The following MTREX variants were observed in gnomAD, a reference collection of about 807,000 sequenced individuals.
MTREX encodes the protein Mtr4 exosome RNA helicase, also known as exosome RNA helicase MTR4.
MTREX carries 76 observed loss-of-function variants against 135.4 expected under a neutral mutation model. The observed-to-expected ratio is 0.56, with a 90% CI of 0.47 to 0.68. The LOEUF is 0.68. Among genes scored for constraint, MTREX ranks in the 30% least tolerant of loss-of-function variants. The probability of loss-of-function intolerance (pLI) is 0.00; values close to 1 mark genes in which losing one functional copy is unlikely to be tolerated. For synonymous variants in MTREX, 404 were observed against 401.6 expected (o/e 1.01, Z -0.07); for missense variants, 920 against 1,262.1 (o/e 0.73, Z 4.11).
At chr5:55,397,302 T>C (rs897169440) in intron 19 of MTREX, 114 bp from the exon 20 acceptor site, 2 of 536,040 alleles carry the variant, frequency 3.7e-6, no homozygotes, top group East Asian at 5.8e-5. Flanking sequence ...GTACTTCTTA[T>C]ACCTGTTACA....
intron 1 of MTREX, among the ~76,000 whole-genome samples, chr5:55,321,689 G>C (rs1187569868): frequency 6.8e-6 from 1 of 147,608 alleles, no homozygotes; most frequent in Non-Finnish European, 1.5e-5. Flanking sequence ...GCTTACTGCA[G>C]CATCTGCCTC....
chr5:55,413,080 G>A (rs1384179771), intron 23 of MTREX, among the ~76,000 whole-genome samples: 15 of 151,976 alleles, frequency 9.9e-5, no homozygotes, highest in African/African-American at 3.6e-4. Context: ...AGTGGCTCAT[G>A]CCTGTAATCC....
intron 1 of MTREX, among the ~76,000 whole-genome samples, chr5:55,312,699 A>G (rs1447146092): frequency 2.0e-5 from 3 of 152,060 alleles, no homozygotes; most frequent in African/African-American, 7.2e-5. Flanking sequence ...CATATACCAT[A>G]TTTGTTTATA....
chr5:55,372,112 G>A (rs369145978), intron 16 of MTREX, among the ~76,000 whole-genome samples: 10 of 152,210 alleles, frequency 6.6e-5, no homozygotes, highest in East Asian at 5.8e-4. Context: ...AATTCTGGGC[G>A]GGGCAGCAGG....
chr5:55,425,203 C>T lies in MTREX; in HGVS notation c.*431C>T. 2 of 1,612,084 alleles carry T rather than the reference C, an allele frequency of 1.2e-6. No homozygotes were observed. Among genetic ancestry groups the T allele is most frequent in the Non-Finnish European group, 1.7e-6 (2 of 1,179,470 alleles). On this transcript the variant is annotated 3_prime_UTR_variant, in exon 27 of 27. Coordinates refer to ENST00000230640, the MANE Select transcript of MTREX (RefSeq NM_015360.5). ...CAGCTTCACCTGGGCACCCTGCTGCCTTTCAAGGCTGGTGATTGCTCGGAT... is the reference window on the plus strand; with the variant it reads ...CAGCTTCACCTGGGCACCCTGCTGCTTTTCAAGGCTGGTGATTGCTCGGAT...
At chr5:55,378,193 G>A in intron 16 of MTREX, 121 bp from the exon 17 acceptor site, 1 of 1,137,174 alleles carries the variant, frequency 8.8e-7, no homozygotes, top group South Asian at 1.9e-5. Context: ...ACAGGAAGGT[G>A]GAAGGTAAAC....
At position 55,328,771 on chromosome 5, in the gene MTREX, G is replaced by C; in HGVS notation, c.475G>C (p.Val159Leu). 1 of 1,613,218 alleles carries C rather than the reference G, an allele frequency of 6.2e-7. No individual in the cohort carries two copies. Among genetic ancestry groups the C allele is most frequent in the Non-Finnish European group, 8.5e-7 (1 of 1,179,376 alleles). The change falls in exon 5 of 27, where the codon GTA becomes CTA. Residue 159 changes from valine to leucine, a missense_variant. Physicochemically the swap from Val to Leu is conservative, Grantham distance 32. Coordinates refer to ENST00000230640, the MANE Select transcript of MTREX (RefSeq NM_015360.5). ...TGTTGACAATAATCAGTCTGTTCTA[G>C]TATCTGCACATACCTCAGCGGGAAA... Reference protein sequence around the residue: ...QCVDNNQSVLVSAHTSAGKTV... With the variant: ...QCVDNNQSVLLSAHTSAGKTV...
At chr5:55,392,364 C>T (rs986161312) in intron 19 of MTREX, among the ~76,000 whole-genome samples, 2 of 151,752 alleles carry the variant, frequency 1.3e-5, no homozygotes, top group Admixed American at 1.3e-4. Flanking sequence ...GCCAACGTGG[C>T]CAAAACCCAT....
intron 11 of MTREX, among the ~76,000 whole-genome samples, chr5:55,347,432 C>T (rs747875726): frequency 9.9e-5 from 15 of 152,160 alleles, no homozygotes; most frequent in Non-Finnish European, 2.1e-4. Context: ...GTAAACTCCT[C>T]AGTTATTGTG....
chr5:55,345,492 A>T (rs1277771767), intron 10 of MTREX, among the ~76,000 whole-genome samples: 1 of 152,050 alleles, frequency 6.6e-6, no homozygotes, highest in Non-Finnish European at 1.5e-5. Context: ...AACCCTGTAC[A>T]CATTAACAGT....
chr5:55,345,522 A>G (rs781454531), intron 10 of MTREX, among the ~76,000 whole-genome samples: 4 of 151,422 alleles, frequency 2.6e-5, no homozygotes, highest in African/African-American at 7.3e-5. Flanking sequence ...TTTTCCCCCA[A>G]CCTTTCCCTT....
rs1158349373 is a variant in MTREX, at chr5:55,422,913, T to C, written c.3007T>C (p.Leu1003=). ...TCGTTGTATGAGGCGCCTGGAAGAA[T>C]TGCTTCGACAAATGTGTCAAGCAGC... ...IIRCMRRLEE[L]LRQMCQAAKA... is the part of the protein sequence containing the mutation. Residue 1003 remains leucine (L), a synonymous_variant, in exon 26 of 27, where the codon TTG becomes CTG. Transcript: ENST00000230640. The C allele has an allele frequency of 1.9e-6, 3 of 1,614,086 alleles. No individual in the cohort carries two copies. The highest frequency in any genetic ancestry group is 1.1e-5 in the South Asian group (1 of 91,042).
chr5:55,414,680 G>A (rs983671608), intron 24 of MTREX, among the ~76,000 whole-genome samples: 6 of 152,070 alleles, frequency 3.9e-5, no homozygotes, highest in East Asian at 1.9e-4. Flanking sequence ...ACAGAGTCTC[G>A]CTCTCTTACC....
In MTREX at chr5:55,379,166, G is replaced by A; in HGVS notation, c.2023G>A (p.Val675Met). ...EGDDFGWGVV[V>M]NFSKKSNVKP... ...AGATGACTTTGGCTGGGGAGTAGTG[G>A]TGAATTTCTCAAAAAAGTCAAATGT... Residue 675 changes from valine to methionine, a missense_variant, in exon 18 of 27, where the codon GTG becomes ATG. By Grantham distance (21) the Val-to-Met change is conservative (BLOSUM62 1). Transcript: ENST00000230640. The A allele has an allele frequency of 6.2e-7, 1 of 1,608,544 alleles. No individual in the cohort carries two copies. The highest frequency in any genetic ancestry group is 8.5e-7 in the Non-Finnish European group (1 of 1,176,576).
intron 6 of MTREX, among the ~76,000 whole-genome samples, chr5:55,341,239 G>A (rs745515666): frequency 2.6e-5 from 4 of 152,132 alleles, no homozygotes; most frequent in African/African-American, 4.8e-5. Context: ...GCAAGAAAAC[G>A]AGGCAGAAAA....
At chr5:55,314,394 A>C (rs1014362586) in intron 1 of MTREX, among the ~76,000 whole-genome samples, 5 of 152,234 alleles carry the variant, frequency 3.3e-5, no homozygotes, top group African/African-American at 1.2e-4. Context: ...AGGTGGAGAG[A>C]GAATTCTGGA....
intron 20 of MTREX, among the ~76,000 whole-genome samples, 170 bp from the exon 21 acceptor site, chr5:55,400,063 A>G (rs963456307): frequency 3.9e-5 from 6 of 152,222 alleles, no homozygotes; most frequent in Admixed American, 2.6e-4. Context: ...AGTTTTCAAA[A>G]ATAAATGCAA....
chr5:55,416,468 A>G (rs1750967791), intron 25 of MTREX, among the ~76,000 whole-genome samples: 1 of 152,082 alleles, frequency 6.6e-6, no homozygotes, highest in Non-Finnish European at 1.5e-5. Flanking sequence ...CTGGTGAGCT[A>G]TATAATTCCA....
intron 16 of MTREX, among the ~76,000 whole-genome samples, chr5:55,373,134 T>C (rs1312592727): frequency 6.7e-6 from 1 of 150,330 alleles, no homozygotes; most frequent in East Asian, 1.9e-4. Flanking sequence ...TTTTTTTTGG[T>C]CTTTTTGTCT....
Sources: allele counts gnomAD v4.1 joint callset (sites outside exome capture counted in the v4.1 genomes callset), GRCh38; gene constraint gnomAD v4.1.1; transcripts MANE v1.5; gene names NCBI Gene and HGNC (gene_info 2026-07-23, HGNC 2026-07-21).